The following DPP10 variants were observed in gnomAD, a reference collection of about 807,000 sequenced individuals.
The protein encoded by DPP10 is dipeptidyl peptidase like 10, also known as inactive dipeptidyl peptidase 10.
A neutral mutation model predicts 120.9 loss-of-function variants in DPP10; 33 were observed. That is an observed-to-expected ratio of 0.27 (90% CI 0.21 to 0.37). DPP10 has a LOEUF of 0.37. Ranked by LOEUF, DPP10 falls within the 10% of genes least tolerant of loss-of-function variation. The pLI is 1.00. For missense variants in DPP10, 816 were observed against 942.8 expected (o/e 0.87, Z 1.76); for synonymous variants, 337 against 326.1 (o/e 1.03, Z -0.36).
At chr2:114,617,494 A>G (rs972500687) in intron 1 of DPP10, among the ~76,000 whole-genome samples, 3 of 152,120 alleles carry the variant, frequency 2.0e-5, no homozygotes, top group Non-Finnish European at 2.9e-5. Flanking sequence ...TCTAAATTGT[A>G]TATGTTTGAA....
intron 5 of DPP10, among the ~76,000 whole-genome samples, chr2:115,533,061 T>C (rs1450166259): frequency 1.3e-5 from 2 of 152,078 alleles, no homozygotes; most frequent in Non-Finnish European, 2.9e-5. Flanking sequence ...TATAGTTTTA[T>C]AGTTTTCTTG....
At chr2:114,457,132 C>T (rs1313550502) in intron 1 of DPP10, among the ~76,000 whole-genome samples, 1 of 152,178 alleles carries the variant, frequency 6.6e-6, no homozygotes, top group East Asian at 1.9e-4. Flanking sequence ...TCTTAATGTT[C>T]AGGAGAGAAC....
intron 1 of DPP10, among the ~76,000 whole-genome samples, chr2:114,530,688 A>C (rs1321869431): frequency 6.6e-6 from 1 of 152,176 alleles, no homozygotes; most frequent in Non-Finnish European, 1.5e-5. Flanking sequence ...TTACTTTTAT[A>C]TAATGATTGC....
rs752272452 is a variant in DPP10 at position 115,762,619 on chromosome 2, T to C, written c.1113+9T>C. 6.2e-7 allele frequency: 1 copy of C among 1,613,070 alleles called. No individual in the cohort carries two copies. The highest frequency in any genetic ancestry group is 1.7e-5 in the Admixed American group (1 of 60,004). Reference sequence around the variant, plus strand: ...CGTGGCTCTCTCAGCAGGTACAGTATAGGTGGTCTGTCACATCTTGGCCAT... The same window carrying C: ...CGTGGCTCTCTCAGCAGGTACAGTACAGGTGGTCTGTCACATCTTGGCCAT... On this transcript the variant is annotated intron_variant, in intron 12 of 25. Coordinates refer to ENST00000410059, the MANE Select transcript of DPP10 (RefSeq NM_020868.6).
chr2:115,728,732 A>G (rs747809660), intron 8 of DPP10, among the ~76,000 whole-genome samples: 1 of 152,182 alleles, frequency 6.6e-6, no homozygotes, highest in African/African-American at 2.4e-5. Flanking sequence ...TTTTAATTCT[A>G]TAAGAAAAGT....
At chr2:115,832,180 C>T (rs969307734) in intron 21 of DPP10, among the ~76,000 whole-genome samples, 3 of 152,198 alleles carry the variant, frequency 2.0e-5, no homozygotes, top group African/African-American at 2.4e-5. Context: ...GAGAGGAAGG[C>T]GAGCCATTAA....
At chr2:114,518,891 A>G (rs1316248094) in intron 1 of DPP10, among the ~76,000 whole-genome samples, 1 of 152,170 alleles carries the variant, frequency 6.6e-6, no homozygotes, top group Non-Finnish European at 1.5e-5. Context: ...AGCTGTATCC[A>G]TTCAGTTTAT....
At chr2:114,539,191 T>C (rs555079500) in intron 1 of DPP10, among the ~76,000 whole-genome samples, 5 of 148,626 alleles carry the variant, frequency 3.4e-5, no homozygotes, top group Admixed American at 6.7e-5. Flanking sequence ...ATATTACATA[T>C]AAATTATATT....
intron 3 of DPP10, among the ~76,000 whole-genome samples, chr2:115,467,357 C>CGAGACCAGCCTGGTCAA (rs1243518979): frequency 6.6e-6 from 1 of 151,848 alleles, no homozygotes. Flanking sequence ...GTCAGGAGTT[C>CGAGACCAGCCTGGTCAA]GAGACCAGCC....
chr2:115,616,565 C>A (rs996267921), intron 5 of DPP10, among the ~76,000 whole-genome samples: 1 of 151,558 alleles, frequency 6.6e-6, no homozygotes, highest in African/African-American at 2.4e-5. Context: ...CTATTAGTCC[C>A]AGTTTGTAAC....
intron 1 of DPP10, among the ~76,000 whole-genome samples, chr2:114,841,005 A>T (rs1688115595): frequency 6.6e-6 from 1 of 152,172 alleles, no homozygotes; most frequent in South Asian, 2.1e-4. Flanking sequence ...GGTATGTGCC[A>T]TGCTTATTTC....
At chr2:114,965,382 CCA>C (rs1393731380) in intron 1 of DPP10, among the ~76,000 whole-genome samples, 5 of 152,002 alleles carry the variant, frequency 3.3e-5, no homozygotes, top group Non-Finnish European at 7.4e-5. Context: ...GGTGATCCAC[CCA>C]CCTTGGCCTC....
intron 1 of DPP10, among the ~76,000 whole-genome samples, chr2:114,901,903 A>G (rs1229450309): frequency 1.3e-5 from 2 of 152,200 alleles, no homozygotes; most frequent in African/African-American, 4.8e-5. Flanking sequence ...GGTGTGGTCC[A>G]GTCAAAGCAC....
At chr2:115,189,405 A>C (rs1020394208) in intron 1 of DPP10, among the ~76,000 whole-genome samples, 21 of 152,322 alleles carry the variant, frequency 1.4e-4, no homozygotes, top group African/African-American at 4.8e-4. Context: ...GCAGGTGACC[A>C]GGGGAACAGA....
intron 1 of DPP10, among the ~76,000 whole-genome samples, chr2:114,987,700 A>C (rs1019884243): frequency 1.3e-5 from 2 of 151,336 alleles, no homozygotes. Flanking sequence ...AGGAATGGCT[A>C]TTCATTTCGC....
intron 7 of DPP10, among the ~76,000 whole-genome samples, chr2:115,702,475 A>G (rs780184426): frequency 6.6e-6 from 1 of 152,114 alleles, no homozygotes; most frequent in South Asian, 2.1e-4. Context: ...AAAATGTGGT[A>G]TATTCAAACA....
intron 1 of DPP10, among the ~76,000 whole-genome samples, chr2:114,529,382 C>G (rs562955094): frequency 2.0e-5 from 3 of 152,100 alleles, no homozygotes; most frequent in African/African-American, 7.2e-5. Context: ...TAAATTTGAC[C>G]ATCACTTTTC....
chr2:114,722,508 G>A (rs1027555842), intron 1 of DPP10, among the ~76,000 whole-genome samples: 1 of 152,040 alleles, frequency 6.6e-6, no homozygotes, highest in Non-Finnish European at 1.5e-5. Flanking sequence ...CGGGCGCGGT[G>A]GCTCACGCCT....
At chr2:115,601,393 A>C (rs2083311600) in intron 5 of DPP10, among the ~76,000 whole-genome samples, 1 of 152,212 alleles carries the variant, frequency 6.6e-6, no homozygotes, top group African/African-American at 2.4e-5. Flanking sequence ...CACAAACACC[A>C]GTTACCCAAA....
Sources: allele counts gnomAD v4.1 joint callset (sites outside exome capture counted in the v4.1 genomes callset), GRCh38; gene constraint gnomAD v4.1.1; transcripts MANE v1.5; gene names NCBI Gene and HGNC (gene_info 2026-07-23, HGNC 2026-07-21).